PTPRK: variants seen among roughly 807,000 people sequenced by gnomAD.
The protein encoded by PTPRK is protein tyrosine phosphatase receptor type K.
Under a neutral mutation model 178.0 loss-of-function variants are expected in PTPRK, and 75 were observed. The observed-to-expected ratio is 0.42, with a 90% CI of 0.35 to 0.51. The LOEUF is 0.51. PTPRK is among the 20% of genes least tolerant of loss of function. The pLI, the probability that PTPRK is intolerant of heterozygous loss-of-function variation, is 0.02. For synonymous variants in PTPRK, 637 were observed against 620.6 expected (o/e 1.03, Z -0.39); for missense variants, 1,441 against 1,797.8 (o/e 0.80, Z 3.59).
chr6:128,192,725 A>G (rs892742657), intron 6 of PTPRK, among the ~76,000 whole-genome samples: 50 of 151,628 alleles, frequency 3.3e-4, no homozygotes, highest in Admixed American at 1.5e-3. Flanking sequence ...CTGAGATGGG[A>G]AGATCACCTG....
At chr6:128,379,412 C>T (rs1209931915) in intron 2 of PTPRK, among the ~76,000 whole-genome samples, 3 of 152,078 alleles carry the variant, frequency 2.0e-5, no homozygotes, top group Non-Finnish European at 2.9e-5. Context: ...CTTGTTACTT[C>T]GTGAGATTAT....
chr6:127,974,583 G>A (rs1774311536), intron 27 of PTPRK, among the ~76,000 whole-genome samples: 1 of 152,070 alleles, frequency 6.6e-6, no homozygotes, highest in African/African-American at 2.4e-5. Flanking sequence ...AGGATGGTGG[G>A]TTACATCAAC....
At chr6:128,495,296 C>T (rs145395235) in intron 1 of PTPRK, among the ~76,000 whole-genome samples, 175 of 152,226 alleles carry the variant, frequency 1.1e-3, no homozygotes, top group Non-Finnish European at 2.2e-3. Context: ...TAAACAAATG[C>T]ATATGTACAT....
intron 1 of PTPRK, among the ~76,000 whole-genome samples, chr6:128,460,351 C>A (rs1201905966): frequency 6.6e-6 from 1 of 151,834 alleles, no homozygotes; most frequent in Non-Finnish European, 1.5e-5. Flanking sequence ...GGAGACCAGC[C>A]TAGCAACACA....
At chr6:128,315,401 ATCAT>A (rs1827860682) in intron 3 of PTPRK, among the ~76,000 whole-genome samples, 2 of 152,140 alleles carry the variant, frequency 1.3e-5, no homozygotes, top group Non-Finnish European at 2.9e-5. Flanking sequence ...TTTTTAACAG[ATCAT>A]TCAAAGAATA....
intron 3 of PTPRK, among the ~76,000 whole-genome samples, chr6:128,297,941 G>A (rs953245695): frequency 8.5e-5 from 13 of 152,248 alleles, no homozygotes; most frequent in South Asian, 4.1e-4. Flanking sequence ...CCAGGAGCTG[G>A]TTTTTTGAAA....
intron 1 of PTPRK, among the ~76,000 whole-genome samples, chr6:128,441,923 T>C: frequency 6.6e-6 from 1 of 152,070 alleles, no homozygotes; most frequent in Non-Finnish European, 1.5e-5. Flanking sequence ...ACACCAACAC[T>C]CAGTAGCTAT....
chr6:127,983,460 T>C lies in PTPRK; in HGVS notation c.3252-83A>G, dbSNP rs560237977. 2.8e-5 allele frequency: 39 copies of C among 1,413,738 alleles called. No homozygotes were observed. The South Asian group carries it at 4.9e-4, about 18-fold the overall frequency. The allele number at this position is 1,413,738 out of a possible 1,614,324, so 87.6% of individuals were successfully genotyped here. On this transcript the variant is annotated intron_variant, in intron 22 of 29. Transcript: ENST00000368226. ...AATAAGGACTTTTTCCACTGTCAGA[T>C]AGGTAGAATCAAATTGATTTAACAA... is the stretch of plus-strand genomic sequence containing the variant.
intron 2 of PTPRK, among the ~76,000 whole-genome samples, chr6:128,383,322 A>G (rs957527532): frequency 4.6e-5 from 7 of 151,226 alleles, no homozygotes; most frequent in African/African-American, 9.7e-5. Context: ...TAACATGCAG[A>G]AAAAAAAACA....
intron 3 of PTPRK, among the ~76,000 whole-genome samples, chr6:128,282,236 A>G (rs557130479): frequency 1.2e-3 from 182 of 152,330 alleles, no homozygotes; most frequent in Middle Eastern, 0.01. Context: ...AATCCACATC[A>G]AACTCTGCAA....
At chr6:128,353,912 C>T (rs755294384) in intron 2 of PTPRK, among the ~76,000 whole-genome samples, 162 of 152,264 alleles carry the variant, frequency 1.1e-3, no homozygotes, top group Admixed American at 3.7e-3. Context: ...CTATCAATAT[C>T]GGTTTCCAAG....
chr6:128,335,786 A>G (rs1830841000), intron 2 of PTPRK, among the ~76,000 whole-genome samples: 1 of 151,956 alleles, frequency 6.6e-6, no homozygotes, highest in Non-Finnish European at 1.5e-5. Flanking sequence ...ATATATACTT[A>G]AAGAAAAAAA....
At chr6:128,349,336 C>A (rs1196954843) in intron 2 of PTPRK, among the ~76,000 whole-genome samples, 2 of 152,022 alleles carry the variant, frequency 1.3e-5, no homozygotes, top group Non-Finnish European at 2.9e-5. Flanking sequence ...AGAACTAAAT[C>A]TCCCTGGATA....
At chr6:128,371,624 A>T (rs1836294283) in intron 2 of PTPRK, among the ~76,000 whole-genome samples, 1 of 152,176 alleles carries the variant, frequency 6.6e-6, no homozygotes, top group Non-Finnish European at 1.5e-5. Flanking sequence ...CAACTCTAAG[A>T]TACTGAAAGA....
At chr6:128,187,571 A>G (rs925429055) in intron 6 of PTPRK, among the ~76,000 whole-genome samples, 7 of 152,178 alleles carry the variant, frequency 4.6e-5, no homozygotes, top group Non-Finnish European at 1.0e-4. Context: ...TATAGCATAT[A>G]CATTTTAACA....
rs530682666 is a variant in PTPRK at position 128,009,407 on chromosome 6, A to G, written c.2195-139T>C. ...AATAATCCCACAATGTAAATACAGA[A>G]GCATGCTAAAATACAATACGAGATT... On this transcript the variant is annotated intron_variant, in intron 13 of 29. Transcript: ENST00000368226. 9.3e-6 allele frequency: 7 copies of G among 752,514 alleles called. No homozygotes were observed. The East Asian group carries it at 1.7e-4, about 18-fold the overall frequency. The allele number at this position is 752,514 out of a possible 1,614,324, so 46.6% of individuals were successfully genotyped here.
At chr6:128,173,529 T>C (rs956604563) in intron 7 of PTPRK, among the ~76,000 whole-genome samples, 4 of 152,012 alleles carry the variant, frequency 2.6e-5, no homozygotes, top group Non-Finnish European at 5.9e-5. Context: ...GTCTGCCCTC[T>C]CTATGAACCA....
Position 127,973,830 on chromosome 6 carries a change from G to A in PTPRK, c.3970-3C>T, listed in dbSNP as rs766218874. Reference sequence around the variant, plus strand: ...ACCATCAGATAACCTTCCTGTGGCTGTAGAGGGAAGTGTTTTTATGTAAAT... The same window carrying A: ...ACCATCAGATAACCTTCCTGTGGCTATAGAGGGAAGTGTTTTTATGTAAAT... On this transcript the variant is annotated splice_polypyrimidine_tract_variant and splice_region_variant and intron_variant, in intron 27 of 29. Transcript: ENST00000368226. 1 of 1,609,246 alleles carries A rather than the reference G, an allele frequency of 6.2e-7. No homozygotes were observed. The highest frequency in any genetic ancestry group is 8.5e-7 in the Non-Finnish European group (1 of 1,176,654).
intron 2 of PTPRK, among the ~76,000 whole-genome samples, chr6:128,389,584 C>T (rs796584275): frequency 1.6e-4 from 24 of 151,674 alleles, no homozygotes; most frequent in African/African-American, 5.6e-4. Context: ...CACACTCCTA[C>T]CAGGGAAAAG....
Sources: gnomAD v4.1 joint callset for allele counts (sites outside exome capture counted in the v4.1 genomes callset) on GRCh38, gnomAD v4.1.1 for gene constraint, MANE v1.5 for transcripts, NCBI Gene and HGNC (gene_info 2026-07-23, HGNC 2026-07-21) for gene names.